Variants in PFKL observed in about 807,000 individuals in gnomAD.
The protein encoded by PFKL is phosphofructokinase, liver type, also known as ATP-dependent 6-phosphofructokinase, liver type.
PFKL carries 74 observed loss-of-function variants against 92.1 expected under a neutral mutation model. The observed-to-expected ratio is 0.80, with a 90% CI of 0.67 to 0.97. PFKL has a LOEUF of 0.97. Ranked by LOEUF, PFKL falls within the 50% of genes least tolerant of loss-of-function variation. The probability of loss-of-function intolerance (pLI) is 0.00; values close to 1 mark genes in which losing one functional copy is unlikely to be tolerated. For synonymous variants in PFKL, 494 were observed against 456.4 expected (o/e 1.08, Z -1.05); for missense variants, 1,028 against 1,116.6 (o/e 0.92, Z 1.13).
intron 2 of PFKL, among the ~76,000 whole-genome samples, chr21:44,308,956 T>G (rs1366674810): frequency 2.0e-5 from 3 of 152,134 alleles, no homozygotes; most frequent in Admixed American, 6.6e-5. Context: ...AGGTCTTTCT[T>G]CCTACGATGA....
chr21:44,303,384 C>CT (rs1218130012), intron 1 of PFKL, among the ~76,000 whole-genome samples: 1 of 133,762 alleles, frequency 7.5e-6, no homozygotes, highest in Non-Finnish European at 1.5e-5. Context: ...GCACTCCAGC[C>CT]TGGGTGACAG....
intron 5 of PFKL, among the ~76,000 whole-genome samples, chr21:44,313,385 GC>G (rs890167131): frequency 2.6e-4 from 40 of 152,204 alleles, no homozygotes; most frequent in African/African-American, 8.4e-4. Context: ...GGGGTGTGAC[GC>G]CCCCAAAGGA....
In PFKL at chr21:44,312,167, A is replaced by G; in HGVS notation, c.300A>G (p.Ala100=). 6.3e-7 allele frequency: 1 copy of G among 1,596,420 alleles called. No homozygotes were observed. The highest frequency in any genetic ancestry group is 8.5e-7 in the Non-Finnish European group (1 of 1,172,226). Residue 100 remains alanine, a synonymous_variant, in exon 4 of 22, where the codon GCA becomes GCG. Coordinates refer to ENST00000349048, the MANE Select transcript of PFKL (RefSeq NM_002626.6). ...KAFTTREGRR[A]AAYNLVQHGI... ...TTACCACCAGGGAGGGGCGCCGGGC[A>G]GCGGCCTACAACCTGGTCCAGCACG... is the stretch of plus-strand genomic sequence containing the variant.
intron 1 of PFKL, chr21:44,305,459 G>GC: frequency 1.6e-5 from 15 of 915,032 alleles, no homozygotes; most frequent in Non-Finnish European, 2.2e-5. Flanking sequence ...GGGTGGGAGG[G>GC]CAGGGGCTTT....
chr21:44,326,582 G>A lies in PFKL; in HGVS notation c.2196-133G>A, dbSNP rs116250625. The stretch of plus-strand genomic sequence containing the variant: ...GACCCCAGACCTGTCCCAGCTCCAC[G>A]GATACCGAGATGTTCAGACAGAGGG... On this transcript the variant is annotated intron_variant, in intron 21 of 21. Transcript: ENST00000349048. 4.1e-4 allele frequency: 486 copies of A among 1,194,424 alleles called. 1 individual carries two copies. In the African/African-American group the frequency reaches 6.5e-3, roughly 16 times the overall value. 74.0% of individuals were successfully genotyped at this position (1,194,424 alleles called of 1,614,324 possible).
chr21:44,310,041 G>T (rs1215786352), intron 2 of PFKL, among the ~76,000 whole-genome samples: 1 of 152,276 alleles, frequency 6.6e-6, no homozygotes. Context: ...CCACAGCTGA[G>T]CTGGCATCCG....
intron 2 of PFKL, among the ~76,000 whole-genome samples, chr21:44,308,354 A>G (rs952192671): frequency 7.9e-5 from 12 of 152,142 alleles, no homozygotes; most frequent in Non-Finnish European, 1.8e-4. Context: ...TTGAGATGAG[A>G]CATTCTGATA....
intron 14 of PFKL, among the ~76,000 whole-genome samples, chr21:44,322,542 G>T (rs371926498): frequency 4.0e-4 from 61 of 152,322 alleles, no homozygotes; most frequent in African/African-American, 1.4e-3. Context: ...TTTTGTCCCA[G>T]GGCCTGAGAC....
Position 44,326,412 on chromosome 21 carries a change from T to C in PFKL, c.2195+148T>C, listed in dbSNP as rs905962644. ...CCATGCCCAGGTCCCCGCCAGGCCG[T>C]GGAGAGCAGGGACCATGCCCAAGTC... On this transcript the variant is annotated intron_variant, in intron 21 of 21. Transcript: ENST00000349048. The C allele has an allele frequency of 8.8e-5, 60 of 685,560 alleles. 1 individual carries two copies. In the Middle Eastern group the frequency reaches 1.6e-3, roughly 18 times the overall value. 42.5% of individuals were successfully genotyped at this position (685,560 alleles called of 1,614,324 possible).
intron 1 of PFKL, chr21:44,304,284 C>G (rs1026292284): frequency 6.2e-6 from 8 of 1,289,172 alleles, no homozygotes; most frequent in Non-Finnish European, 7.1e-6. Flanking sequence ...GGTCCCCTGA[C>G]AAGCCCACCA....
Position 44,307,121 on chromosome 21 carries a change from C to T in PFKL, c.159+367C>T, listed in dbSNP as rs73907164. On this transcript the variant is annotated intron_variant, in intron 2 of 21. Coordinates refer to ENST00000349048, the MANE Select transcript of PFKL (RefSeq NM_002626.6). ...CCCCCAGCCTGGCCCTTGTCCCGCCCCGAGGCCTCTGTGAGTGGGGGCCAG... is the reference window on the plus strand; with the variant it reads ...CCCCCAGCCTGGCCCTTGTCCCGCCTCGAGGCCTCTGTGAGTGGGGGCCAG... The T allele has an allele frequency of 7.0e-3, 1,397 of 199,084 alleles. 31 individuals are homozygous for T. The highest frequency in any genetic ancestry group is 0.031 in the African/African-American group (1,310 of 42,332). 12.3% of individuals were successfully genotyped at this position (199,084 alleles called of 1,614,324 possible). A position where few individuals can be genotyped will look rare whatever the true frequency, so the allele number is the denominator to read the frequency against.
rs1555874966 is a variant in PFKL at position 44,303,441 on chromosome 21, A to AAAAAAAAAAAACTTGATCG, written c.86-3229_86-3228insCTTGATCGAAAAAAAAAAA. 3.0e-4 allele frequency among the ~76,000 whole-genome samples: 29 copies of AAAAAAAAAAAACTTGATCG among 97,090 alleles called. 3 individuals carry two copies. The highest frequency in any genetic ancestry group is 1.0e-3 in the African/African-American group (19 of 18,932). 63.7% of individuals were successfully genotyped at this position (97,090 alleles called of 152,430 possible). A position where few individuals can be genotyped will look rare whatever the true frequency, so the allele number is the denominator to read the frequency against. ...AAAAAAACAGACTTGACCAAAAAAA[A>AAAAAAAAAAAACTTGATCG]AAAAAAAAAAAAAATGGCCCGGCCT... On this transcript the variant is annotated intron_variant, in intron 1 of 21. Transcript: ENST00000349048.
Position 44,326,882 on chromosome 21 carries a change from C to T in PFKL, c.*20C>T, listed in dbSNP as rs768284421. On this transcript the variant is annotated 3_prime_UTR_variant, in exon 22 of 22. Coordinates refer to ENST00000349048, the MANE Select transcript of PFKL (RefSeq NM_002626.6). ...TTCTGAGGCCAGCCATGCCCACGCC[C>T]CTCCCCAGCCCCCACCCATGCCAGC... is the stretch of plus-strand genomic sequence containing the variant. 6.3e-6 allele frequency: 10 copies of T among 1,588,878 alleles called. No individual in the cohort carries two copies. Among genetic ancestry groups the T allele is most frequent in the Non-Finnish European group, 7.7e-6 (9 of 1,166,694 alleles).
chr21:44,319,298 TG>T, intron 10 of PFKL, 52 bp from the exon 11 acceptor site: 2 of 1,476,400 alleles, frequency 1.4e-6, no homozygotes, highest in Admixed American at 1.7e-5. Context: ...GCAGTAGCCA[TG>T]GGTGTGCGGG....
At chr21:44,308,782 G>C (rs1374258148) in intron 2 of PFKL, among the ~76,000 whole-genome samples, 2 of 151,982 alleles carry the variant, frequency 1.3e-5, no homozygotes, top group Non-Finnish European at 2.9e-5. Flanking sequence ...GCCTGGTCTC[G>C]AACTCCTGGC....
In PFKL at chr21:44,312,342, G is replaced by A. The variant is rs138337404; in HGVS notation, c.427+48G>A. The stretch of plus-strand genomic sequence containing the variant: ...GTAGGCCCTGGGGTTTTGTTTTGCC[G>A]CTGCTGCCAGGCGTGGGAATGGGCA... On this transcript the variant is annotated intron_variant, in intron 4 of 21. Coordinates refer to ENST00000349048, the MANE Select transcript of PFKL (RefSeq NM_002626.6). 1.2e-3 allele frequency: 1,698 copies of A among 1,472,210 alleles called. 15 individuals are homozygous for A. The African/African-American group carries it at 0.021, about 18-fold the overall frequency. 91.2% of individuals were successfully genotyped at this position (1,472,210 alleles called of 1,614,324 possible).
intron 1 of PFKL, 124 bp downstream of exon 1, chr21:44,300,314 C>A: frequency 3.4e-6 from 1 of 294,044 alleles, no homozygotes; most frequent in East Asian, 1.5e-4. Flanking sequence ...CCCGCCCCGG[C>A]CTCCCGCCCC....
At chr21:44,301,713 C>T (rs9984426) in intron 1 of PFKL, among the ~76,000 whole-genome samples, 52,093 of 151,944 alleles carry the variant, frequency 0.34, 10,023 homozygotes, top group African/African-American at 0.52. Context: ...GCCTGCCCAC[C>T]AGGGAGGCGC....
rs202161151 is a variant in PFKL, at chr21:44,316,407, G to T, written c.844-25G>T. 2.5e-6 allele frequency: 4 copies of T among 1,612,362 alleles called. No homozygotes were observed. The African/African-American group carries it at 5.3e-5, about 21-fold the overall frequency. On this transcript the variant is annotated intron_variant, in intron 8 of 21. Transcript: ENST00000349048. ...TAGGCCGTGTGGGCTGGGGCTCAGG[G>T]CTGGTCCTTCCCACTGTCCTGCAGC... is the stretch of plus-strand genomic sequence containing the variant.
Sources: gnomAD v4.1 joint callset for allele counts (sites outside exome capture counted in the v4.1 genomes callset) on GRCh38, gnomAD v4.1.1 for gene constraint, MANE v1.5 for transcripts, NCBI Gene and HGNC (gene_info 2026-07-23, HGNC 2026-07-21) for gene names.